The following NLGN4X variants were observed in gnomAD, a reference collection of about 807,000 sequenced individuals.
The protein encoded by NLGN4X is neuroligin 4 X-linked.
Under a neutral mutation model 40.3 loss-of-function variants are expected in NLGN4X, and 3 were observed. That is an observed-to-expected ratio of 0.07 (90% CI 0.03 to 0.19). NLGN4X has a LOEUF of 0.19. NLGN4X is among the 10% of genes least tolerant of loss of function. The probability of loss-of-function intolerance (pLI) is 1.00; values close to 1 mark genes in which losing one functional copy is unlikely to be tolerated. For missense variants in NLGN4X, 382 were observed against 708.3 expected (o/e 0.54, Z 5.23); for synonymous variants, 270 against 306.8 (o/e 0.88, Z 1.25).
intron 2 of NLGN4X, among the ~76,000 whole-genome samples, chrX:6,080,840 GTTTA>G (rs963486348): frequency 8.1e-5 from 9 of 111,135 alleles, no homozygotes; most frequent in African/African-American, 3.0e-4. Context: ...TTTATAATTT[GTTTA>G]TTTATTTTTT....
intron 2 of NLGN4X, among the ~76,000 whole-genome samples, chrX:6,076,151 T>C (rs1049399296): frequency 1.8e-5 from 2 of 112,267 alleles, no homozygotes; most frequent in African/African-American, 6.5e-5. Flanking sequence ...AATTACAATA[T>C]GATATTTAGT....
chrX:6,036,424 T>A lies in NLGN4X; in HGVS notation c.473-6992A>T, dbSNP rs746907071. Among the ~76,000 whole-genome samples the A allele has an allele frequency of 3.6e-5, 4 of 112,020 alleles. No individual in the cohort carries two copies. The South Asian group carries it at 1.5e-3, about 42-fold the overall frequency. On this transcript the variant is annotated intron_variant, in intron 2 of 5. Transcript: ENST00000381095. ...TAATTTGTTTATCCTTTCATTCTTT[T>A]TTAATAAACTGCTGCTCTATTTGTC...
At chrX:6,114,140 G>C (rs994642029) in intron 2 of NLGN4X, among the ~76,000 whole-genome samples, 10 of 111,448 alleles carry the variant, frequency 9.0e-5, no homozygotes, top group African/African-American at 2.6e-4. Context: ...AAACCAATAA[G>C]TCTTAAAGTT....
rs1358435912 is a variant in NLGN4X at position 6,189,407 on chromosome X, T to C, written c.-305-37636A>G. ...ATCAGGAAAACACACTCCAAAGCAT[T>C]CCCCCCTTAAGAGAAAATGCAGCTA... is the stretch of plus-strand genomic sequence containing the variant. On this transcript the variant is annotated intron_variant, in intron 1 of 5. Transcript: ENST00000381095. Among the ~76,000 whole-genome samples, 41 of 111,307 alleles carry C rather than the reference T, an allele frequency of 3.7e-4. No individual in the cohort carries two copies. The Admixed American group carries it at 3.9e-3, about 11-fold the overall frequency.
In NLGN4X at chrX:5,903,652, C is replaced by A. The variant is rs771991034; in HGVS notation, c.1026G>T (p.Pro342=). The change falls in exon 5 of 6, where the codon CCG becomes CCT. Residue 342 remains proline, a synonymous_variant. Coordinates refer to ENST00000381095, the MANE Select transcript of NLGN4X (RefSeq NM_181332.3). ...CTGGGATGACGTCGCCGTCGATCAC[C>A]GGCCCGAAGGCTATGTGGTAGGTGG... ...TPATYHIAFG[P]VIDGDVIPDD... is the part of the protein sequence containing the mutation. 8.3e-7 allele frequency: 1 copy of A among 1,209,788 alleles called. No homozygotes were observed. Among genetic ancestry groups the A allele is most frequent in the Non-Finnish European group, 1.1e-6 (1 of 895,233 alleles).
intron 3 of NLGN4X, among the ~76,000 whole-genome samples, chrX:5,935,973 G>C (rs914052120): frequency 1.8e-5 from 2 of 111,914 alleles, no homozygotes; most frequent in Non-Finnish European, 3.8e-5. Context: ...CACAAAAGTG[G>C]TTATCCTTAG....
intron 2 of NLGN4X, among the ~76,000 whole-genome samples, chrX:6,102,018 G>A (rs1324592315): frequency 9.1e-6 from 1 of 110,372 alleles, no homozygotes; most frequent in Non-Finnish European, 1.9e-5. Context: ...CACTGTGTTA[G>A]CCAGGCTGGT....
chrX:6,178,893 C>T (rs1212988919), intron 1 of NLGN4X, among the ~76,000 whole-genome samples: 2 of 110,577 alleles, frequency 1.8e-5, no homozygotes, highest in Admixed American at 9.7e-5. Context: ...TCCAGGAGTT[C>T]GAGACCAGCC....
intron 3 of NLGN4X, among the ~76,000 whole-genome samples, chrX:5,962,481 C>G (rs372267192): frequency 7.1e-5 from 8 of 112,216 alleles, no homozygotes; most frequent in African/African-American, 2.6e-4. Flanking sequence ...TCACTATGTA[C>G]GTTTGTTTTC....
At chrX:6,146,964 G>C (rs1354663632) in intron 2 of NLGN4X, among the ~76,000 whole-genome samples, 8 of 110,472 alleles carry the variant, frequency 7.2e-5, no homozygotes, top group Non-Finnish European at 1.3e-4. Context: ...CTAATTTTTT[G>C]TATTTGTAGT....
At chrX:6,060,981 G>A (rs919313751) in intron 2 of NLGN4X, among the ~76,000 whole-genome samples, 1 of 111,616 alleles carries the variant, frequency 9.0e-6, no homozygotes, top group African/African-American at 3.3e-5. Flanking sequence ...TCCCTAACTC[G>A]AAAGAATTTC....
At chrX:6,139,349 C>CCCTCCAATGTCACAATGT (rs1450762797) in intron 2 of NLGN4X, among the ~76,000 whole-genome samples, 1 of 111,818 alleles carries the variant, frequency 8.9e-6, no homozygotes, top group Admixed American at 9.5e-5. Context: ...CATTTATGAA[C>CCCTCCAATGTCACAATGT]CCTCCAATGT....
chrX:5,915,292 A>T (rs896729943), intron 3 of NLGN4X, among the ~76,000 whole-genome samples: 1 of 112,154 alleles, frequency 8.9e-6, no homozygotes, highest in Non-Finnish European at 1.9e-5. Context: ...TTCATAAAAG[A>T]TAATATCTCC....
intron 2 of NLGN4X, 67 bp from the exon 3 acceptor site, chrX:6,029,499 G>T: frequency 3.8e-6 from 4 of 1,041,437 alleles, no homozygotes; most frequent in Non-Finnish European, 5.3e-6. Flanking sequence ...GCTAAATTAA[G>T]AAAAAAGGAG....
intron 3 of NLGN4X, among the ~76,000 whole-genome samples, chrX:5,911,788 G>C (rs751607756): frequency 1.8e-5 from 2 of 112,243 alleles, no homozygotes; most frequent in South Asian, 7.5e-4. Flanking sequence ...CAGTGAAAGA[G>C]ATCTGACCTA....
intron 2 of NLGN4X, among the ~76,000 whole-genome samples, chrX:6,035,823 G>A (rs1029138365): frequency 9.1e-6 from 1 of 110,185 alleles, no homozygotes; most frequent in African/African-American, 3.3e-5. Context: ...TCTATTTAAT[G>A]AGTGGTAAAT....
intron 2 of NLGN4X, among the ~76,000 whole-genome samples, chrX:6,114,112 A>G (rs1034699985): frequency 9.0e-6 from 1 of 111,433 alleles, no homozygotes; most frequent in Non-Finnish European, 1.9e-5. Context: ...GAGCCACCGC[A>G]CCCGGCCTAC....
chrX:6,080,098 T>C (rs1292387929), intron 2 of NLGN4X, among the ~76,000 whole-genome samples: 12 of 104,934 alleles, frequency 1.1e-4, no homozygotes, highest in African/African-American at 3.6e-4. Flanking sequence ...TGAATGCTTA[T>C]GGTCTAGAAA....
chrX:6,225,681 C>CTTTTTTTTTTTTTTTT (rs1569309354), intron 1 of NLGN4X, among the ~76,000 whole-genome samples: 90 of 33,782 alleles, frequency 2.7e-3, no homozygotes, highest in African/African-American at 3.9e-3. Context: ...TTTTTTCTTT[C>CTTTTTTTTTTTTTTTT]TTTTTTTCTT....
Sources: allele counts gnomAD v4.1 joint callset (sites outside exome capture counted in the v4.1 genomes callset), GRCh38; gene constraint gnomAD v4.1.1; transcripts MANE v1.5; gene names NCBI Gene and HGNC (gene_info 2026-07-23, HGNC 2026-07-21).